PVALEF: variants seen among roughly 807,000 people sequenced by gnomAD.
PVALEF encodes parvalbumin like EF-hand containing, also known as parvalbumin-like EF-hand-containing protein.
In PVALEF, 2 loss-of-function variants were observed where a neutral mutation model predicts 1.2. The ratio of observed to expected loss-of-function variants is 1.68; its 90% CI spans 0.69 to 5.28. The LOEUF is 5.28. Ranked by LOEUF, PVALEF falls within the 30% of genes most tolerant of loss-of-function variation. PVALEF has a pLI of 0.06. For synonymous variants in PVALEF, 16 were observed against 6.5 expected, an observed-to-expected ratio of 2.47 and a Z score of -2.24; for missense variants, 35 against 17.7, an observed-to-expected ratio of 1.97 and a Z score of -1.75.
chr17:81,171,248 C>T (rs537966238), intron 2 of PVALEF, among the ~76,000 whole-genome samples: 4 of 152,268 alleles, frequency 2.6e-5, no homozygotes, highest in East Asian at 1.9e-4. Context: ...GAAATGAAGC[C>T]GAAAGGGCCG....
rs1315637627 is a variant in PVALEF, at chr17:81,182,076, A to G, written c.353A>G (p.Tyr118Cys). The stretch of plus-strand genomic sequence containing the variant: ...ACACACGGGGACGGGAGGATCAACT[A>G]CGAAGGTGGGGGCAGCACAGCCGGG... ...ADTHGDGRIN[Y>C]EEFSELIKKE... The change falls in exon 6 of 7, where the codon TAC becomes TGC. Residue 118 changes from tyrosine (Y) to cysteine (C), a missense_variant. Physicochemically the swap from Tyr to Cys is radical, Grantham distance 194. Transcript: ENST00000637878. The G allele has an allele frequency of 2.5e-6, 1 of 398,636 alleles. No homozygotes were observed. Among genetic ancestry groups the G allele is most frequent in the East Asian group, 3.6e-5 (1 of 28,076 alleles). The allele number at this position is 398,636 out of a possible 1,614,324, so 24.7% of individuals were successfully genotyped here.
chr17:81,171,587 GT>G (rs1182229681), intron 2 of PVALEF, among the ~76,000 whole-genome samples: 1 of 152,158 alleles, frequency 6.6e-6, no homozygotes, highest in Non-Finnish European at 1.5e-5. Context: ...CGCCTCCTGG[GT>G]TAACGCCATT....
At chr17:81,174,170 G>GAA (rs1178251454) in intron 2 of PVALEF, among the ~76,000 whole-genome samples, 2 of 152,156 alleles carry the variant, frequency 1.3e-5, no homozygotes, top group Non-Finnish European at 2.9e-5. Context: ...AACCATCCAT[G>GAA]AAAAGCTCAC....
rs2061556375 is a variant in PVALEF, at chr17:81,182,065, G to C, written c.342G>C (p.Gly114=). ...MIQAADTHGD[G]RINYEEFSEL... is the part of the protein sequence containing the mutation. ...AGGCGGCAGACACACACGGGGACGGGAGGATCAACTACGAAGGTGGGGGCA... is the reference window on the plus strand; with the variant it reads ...AGGCGGCAGACACACACGGGGACGGCAGGATCAACTACGAAGGTGGGGGCA... The change falls in exon 6 of 7, where the codon GGG becomes GGC. Residue 114 remains glycine, a synonymous_variant. Transcript: ENST00000637878. The C allele has an allele frequency of 2.5e-6, 1 of 398,642 alleles. No individual in the cohort carries two copies. Among genetic ancestry groups the C allele is most frequent in the Non-Finnish European group, 4.4e-6 (1 of 226,162 alleles). The allele number at this position is 398,642 out of a possible 1,614,324, so 24.7% of individuals were successfully genotyped here. A position where few individuals can be genotyped will look rare whatever the true frequency, so the allele number is the denominator to read the frequency against.
intron 2 of PVALEF, among the ~76,000 whole-genome samples, chr17:81,170,259 G>C (rs2061516146): frequency 1.3e-5 from 2 of 151,540 alleles, no homozygotes; most frequent in Admixed American, 1.3e-4. Flanking sequence ...GTGCATGTCT[G>C]TGCATATCCA....
chr17:81,173,158 G>A (rs896126536), intron 2 of PVALEF, among the ~76,000 whole-genome samples: 3 of 152,144 alleles, frequency 2.0e-5, no homozygotes, highest in Non-Finnish European at 2.9e-5. Flanking sequence ...CGAGGGGAGA[G>A]GTGCTCGCAG....
chr17:81,180,756 C>T (rs1047397761), intron 3 of PVALEF, among the ~76,000 whole-genome samples: 1 of 152,172 alleles, frequency 6.6e-6, no homozygotes, highest in African/African-American at 2.4e-5. Context: ...AGCAGAGATG[C>T]CTCTGGCCAC....
rs548111346 is a variant in PVALEF at position 81,182,026 on chromosome 17, C to T, written c.303C>T (p.Ala101=). 2.0e-5 allele frequency: 8 copies of T among 398,790 alleles called. No homozygotes were observed. In the South Asian group the frequency reaches 7.6e-4, roughly 38 times the overall value. 24.7% of individuals were successfully genotyped at this position (398,790 alleles called of 1,614,324 possible). A position where few individuals can be genotyped will look rare whatever the true frequency, so the allele number is the denominator to read the frequency against. ...CCACCCCGCTGACAGACGAGGAGGC[C>T]GAGGCCATGATCCAGGCGGCAGACA... The part of the protein sequence containing the change: ...GPTTPLTDEE[A]EAMIQAADTH... Residue 101 remains alanine, a synonymous_variant, in exon 6 of 7, where the codon GCC becomes GCT. Transcript: ENST00000637878.
At chr17:81,168,718 C>CCA (rs2061507921) in intron 2 of PVALEF, among the ~76,000 whole-genome samples, 2 of 152,048 alleles carry the variant, frequency 1.3e-5, no homozygotes, top group East Asian at 3.9e-4. Context: ...CATTGCCCGT[C>CCA]GAAGAGGAAA....
chr17:81,172,939 G>A (rs865875181), intron 2 of PVALEF, among the ~76,000 whole-genome samples: 3 of 151,984 alleles, frequency 2.0e-5, no homozygotes, highest in African/African-American at 7.2e-5. Flanking sequence ...GCAGAAACCC[G>A]CACGAAGGAA....
At chr17:81,167,634 G>A (rs2061502909) in intron 2 of PVALEF, among the ~76,000 whole-genome samples, 1 of 152,228 alleles carries the variant, frequency 6.6e-6, no homozygotes, top group Admixed American at 6.5e-5. Context: ...CCTCCTAACA[G>A]GCAAAGCAAG....
intron 2 of PVALEF, among the ~76,000 whole-genome samples, chr17:81,170,077 CAT>C (rs768253286): frequency 9.1e-5 from 13 of 142,638 alleles, no homozygotes; most frequent in South Asian, 4.4e-4. Flanking sequence ...TATGTGTGTG[CAT>C]ATGTGTAGGT....
intron 2 of PVALEF, among the ~76,000 whole-genome samples, chr17:81,174,827 T>C (rs1479718201): frequency 6.6e-6 from 1 of 151,500 alleles, no homozygotes; most frequent in Non-Finnish European, 1.5e-5. Context: ...CAGGCACCTG[T>C]AGTCCCAGCT....
intron 1 of PVALEF, 39 bp downstream of exon 1, chr17:81,165,786 G>C: frequency 6.7e-7 from 1 of 1,503,036 alleles, no homozygotes; most frequent in Non-Finnish European, 8.9e-7. Context: ...TCCGAGATCT[G>C]GGGCCGCCAG....
At position 81,165,778 on chromosome 17, in the gene PVALEF, C is replaced by T. The variant is rs1265106930; in HGVS notation, c.-508+31C>T. 1.3e-5 allele frequency: 19 copies of T among 1,507,992 alleles called. 1 individual carries two copies. The Admixed American group carries it at 1.7e-4, about 13-fold the overall frequency. 93.4% of individuals were successfully genotyped at this position (1,507,992 alleles called of 1,614,324 possible). ...TGCTGGGGCCCAGGGCCTGCCCCTCCGAGATCTGGGGCCGCCAGGGGGTCC... is the reference window on the plus strand; with the variant it reads ...TGCTGGGGCCCAGGGCCTGCCCCTCTGAGATCTGGGGCCGCCAGGGGGTCC... On this transcript the variant is annotated intron_variant, in intron 1 of 6. Coordinates refer to ENST00000637878, the MANE Select transcript of PVALEF (RefSeq NM_001354639.2).
intron 2 of PVALEF, among the ~76,000 whole-genome samples, chr17:81,168,601 A>C (rs566698740): frequency 1.8e-4 from 28 of 152,154 alleles, no homozygotes; most frequent in Non-Finnish European, 4.1e-4. Flanking sequence ...GCTGTCTGCT[A>C]TCCCCCGGCC....
rs370251767 is a variant in PVALEF at position 81,179,389 on chromosome 17, G to A, written c.-105+237G>A. Among the ~76,000 whole-genome samples, 5 of 152,210 alleles carry A rather than the reference G, an allele frequency of 3.3e-5. No individual in the cohort carries two copies. The East Asian group carries it at 9.6e-4, about 29-fold the overall frequency. ...GGATGGAAGACAGCTGCAGGTGCCT[G>A]GTCCTGCGGGGAGCACATGTGTGCA... is the stretch of plus-strand genomic sequence containing the variant. On this transcript the variant is annotated intron_variant, in intron 3 of 6. Transcript: ENST00000637878.
chr17:81,177,575 G>T (rs749196591), intron 2 of PVALEF, among the ~76,000 whole-genome samples: 2 of 151,848 alleles, frequency 1.3e-5, no homozygotes, highest in African/African-American at 4.8e-5. Context: ...AAAAAAAAAG[G>T]CAAAGATGGT....
chr17:81,177,299 G>A (rs1304218357), intron 2 of PVALEF, among the ~76,000 whole-genome samples: 1 of 144,982 alleles, frequency 6.9e-6, no homozygotes, highest in Admixed American at 6.9e-5. Flanking sequence ...TGTAATCCCA[G>A]CACTTTGGGA....
Sources: allele counts gnomAD v4.1 joint callset (sites outside exome capture counted in the v4.1 genomes callset), GRCh38; gene constraint gnomAD v4.1.1; transcripts MANE v1.5; gene names NCBI Gene and HGNC (gene_info 2026-07-23, HGNC 2026-07-21).